SLC24A3: variants seen among roughly 807,000 people sequenced by gnomAD.
SLC24A3 encodes the protein solute carrier family 24 member 3.
SLC24A3 carries 28 observed loss-of-function variants against 75.8 expected under a neutral mutation model. That is an observed-to-expected ratio of 0.37 (90% CI 0.27 to 0.51). SLC24A3 has a LOEUF of 0.51. SLC24A3 is among the 20% of genes least tolerant of loss of function. SLC24A3 has a pLI of 0.94. For synonymous variants in SLC24A3, 372 were observed against 334.1 expected (o/e 1.11, Z -1.24); for missense variants, 663 against 847.8 (o/e 0.78, Z 2.71).
chr20:19,316,510 C>A (rs555778497), intron 2 of SLC24A3, among the ~76,000 whole-genome samples: 2 of 152,274 alleles, frequency 1.3e-5, no homozygotes, highest in East Asian at 3.9e-4. Flanking sequence ...AGCTATGGCT[C>A]ATAAATCAGT....
chr20:19,515,757 C>A (rs2029976027), intron 3 of SLC24A3, among the ~76,000 whole-genome samples, 193 bp downstream of exon 3: 1 of 152,154 alleles, frequency 6.6e-6, no homozygotes, highest in Non-Finnish European at 1.5e-5. Flanking sequence ...GAAGGTGGAG[C>A]CATCTGTTAT....
intron 2 of SLC24A3, among the ~76,000 whole-genome samples, chr20:19,332,429 C>T (rs1355130297): frequency 1.3e-5 from 2 of 152,154 alleles, no homozygotes; most frequent in Non-Finnish European, 2.9e-5. Flanking sequence ...TCCGGCACAC[C>T]ATCTTTTTTT....
intron 1 of SLC24A3, among the ~76,000 whole-genome samples, chr20:19,253,399 T>C (rs1035666162): frequency 6.6e-6 from 1 of 152,234 alleles, no homozygotes; most frequent in Non-Finnish European, 1.5e-5. Context: ...TTGCCAAGCG[T>C]TACCCCTGTT....
chr20:19,256,098 C>CTAATAATAATAATAATAA (rs3058400), intron 1 of SLC24A3, among the ~76,000 whole-genome samples: 3 of 149,344 alleles, frequency 2.0e-5, no homozygotes, highest in African/African-American at 7.4e-5. Flanking sequence ...GACCCTGTCT[C>CTAATAATAATAATAATAA]TAATAATAAT....
chr20:19,561,715 G>A (rs868063185), intron 3 of SLC24A3, among the ~76,000 whole-genome samples: 4 of 152,200 alleles, frequency 2.6e-5, no homozygotes, highest in Middle Eastern at 3.4e-3. Flanking sequence ...CAGCTATTGC[G>A]CTAAGAATTT....
chr20:19,296,961 A>C (rs1984075907), intron 2 of SLC24A3, among the ~76,000 whole-genome samples: 1 of 152,240 alleles, frequency 6.6e-6, no homozygotes, highest in Non-Finnish European at 1.5e-5. Context: ...TCACAGATAC[A>C]GAACCCATGA....
intron 2 of SLC24A3, among the ~76,000 whole-genome samples, chr20:19,329,570 T>G (rs1285074399): frequency 6.6e-6 from 1 of 152,262 alleles, no homozygotes; most frequent in East Asian, 1.9e-4. Context: ...TAATGTTTGA[T>G]TGTTTTATTC....
Position 19,635,139 on chromosome 20 carries a change from T to C in SLC24A3, c.613-18923T>C, listed in dbSNP as rs375720694. ...TCTCAGAACAGACACTTACCTCCCC[T>C]GACTACAAGCTCGTTGAAATAACAG... On this transcript the variant is annotated intron_variant, in intron 6 of 16. Coordinates refer to ENST00000328041, the MANE Select transcript of SLC24A3 (RefSeq NM_020689.4). Among the ~76,000 whole-genome samples, 23 of 152,318 alleles carry C rather than the reference T, an allele frequency of 1.5e-4. 1 individual carries two copies. In the South Asian group the frequency reaches 4.8e-3, roughly 32 times the overall value.
rs181208133 is a variant in SLC24A3 at position 19,508,591 on chromosome 20, G to A, written c.272-6897G>A. On this transcript the variant is annotated intron_variant, in intron 2 of 16. Transcript: ENST00000328041. ...TCGGGTCTCATGAAAGCAGCCAGGA[G>A]GGAGAAGCAAGGAAGCTGATTGCTG... Among the ~76,000 whole-genome samples the A allele has an allele frequency of 1.0e-3, 153 of 152,292 alleles. No individual in the cohort carries two copies. The Middle Eastern group carries it at 0.01, about 10-fold the overall frequency.
intron 2 of SLC24A3, among the ~76,000 whole-genome samples, chr20:19,378,267 T>C (rs1986120928): frequency 6.6e-6 from 1 of 151,984 alleles, no homozygotes; most frequent in Non-Finnish European, 1.5e-5. Context: ...TGCACAGAGC[T>C]TGGCCTACGT....
intron 2 of SLC24A3, among the ~76,000 whole-genome samples, chr20:19,423,971 G>A (rs779472635): frequency 1.4e-4 from 22 of 152,248 alleles, no homozygotes; most frequent in Admixed American, 3.9e-4. Context: ...TCTGAGATAC[G>A]TTTAAAGGAA....
intron 1 of SLC24A3, among the ~76,000 whole-genome samples, chr20:19,274,416 G>A (rs1983421928): frequency 6.6e-6 from 1 of 152,068 alleles, no homozygotes; most frequent in African/African-American, 2.4e-5. Context: ...GGGAATGAAT[G>A]TATGGCCCTG....
At chr20:19,705,302 G>A (rs527528186) in intron 15 of SLC24A3, among the ~76,000 whole-genome samples, 25 of 152,242 alleles carry the variant, frequency 1.6e-4, no homozygotes, top group African/African-American at 6.0e-4. Context: ...ATGGTTGGAG[G>A]AACCTCTCTG....
chr20:19,580,804 T>C (rs1040808415), intron 4 of SLC24A3, among the ~76,000 whole-genome samples: 17 of 152,338 alleles, frequency 1.1e-4, no homozygotes, highest in African/African-American at 4.1e-4. Flanking sequence ...AATCCCTGTT[T>C]CCAGAAGGCA....
intron 15 of SLC24A3, among the ~76,000 whole-genome samples, chr20:19,706,231 C>G (rs2032928315): frequency 6.6e-6 from 1 of 152,186 alleles, no homozygotes. Flanking sequence ...AATTGAGTGC[C>G]TACTATGTGC....
intron 6 of SLC24A3, among the ~76,000 whole-genome samples, chr20:19,597,453 T>C (rs1235314412): frequency 6.6e-6 from 1 of 152,148 alleles, no homozygotes; most frequent in African/African-American, 2.4e-5. Context: ...GGGATACATA[T>C]TTTTGCATAT....
chr20:19,418,193 A>C (rs1462999012), intron 2 of SLC24A3, among the ~76,000 whole-genome samples: 2 of 152,232 alleles, frequency 1.3e-5, no homozygotes, highest in Non-Finnish European at 2.9e-5. Context: ...ACAAAAAGGA[A>C]TTTTAAACAA....
At chr20:19,643,265 G>T (rs540228286) in intron 6 of SLC24A3, among the ~76,000 whole-genome samples, 1 of 152,116 alleles carries the variant, frequency 6.6e-6, no homozygotes. Context: ...ATTTTTAAAC[G>T]CATGCTCCAT....
intron 2 of SLC24A3, among the ~76,000 whole-genome samples, chr20:19,494,408 G>A (rs1988251879): frequency 6.6e-6 from 1 of 152,194 alleles, no homozygotes; most frequent in African/African-American, 2.4e-5. Flanking sequence ...GCATCTCAAT[G>A]AGGATGCTTG....
Sources: allele counts gnomAD v4.1 joint callset (sites outside exome capture counted in the v4.1 genomes callset), GRCh38; gene constraint gnomAD v4.1.1; transcripts MANE v1.5; gene names NCBI Gene and HGNC (gene_info 2026-07-23, HGNC 2026-07-21).